STPG2: variants seen among roughly 807,000 people sequenced by gnomAD.
STPG2 encodes sperm-tail PG-rich repeat-containing protein 2.
STPG2 carries 56 observed loss-of-function variants against 54.2 expected under a neutral mutation model. That is an observed-to-expected ratio of 1.03 (90% CI 0.83 to 1.29). The LOEUF (loss-of-function observed/expected upper bound fraction) is 1.29, where lower values mean the gene tolerates loss of function less well. STPG2 is among the 50% of genes most tolerant of loss of function. The pLI is 0.00. For synonymous variants in STPG2, 200 were observed against 181.8 expected, an observed-to-expected ratio of 1.10 and a Z score of -0.81; for missense variants, 596 against 544.9, an observed-to-expected ratio of 1.09 and a Z score of -0.93.
At chr4:97,774,902 C>T (rs1377056175) in intron 9 of STPG2, among the ~76,000 whole-genome samples, 1 of 152,188 alleles carries the variant, frequency 6.6e-6, no homozygotes, top group African/African-American at 2.4e-5. Flanking sequence ...CAAAGTGCAT[C>T]CTCTGCCAGC....
intron 8 of STPG2, among the ~76,000 whole-genome samples, chr4:97,876,605 C>A (rs1730179556): frequency 6.6e-6 from 1 of 151,940 alleles, no homozygotes; most frequent in South Asian, 2.1e-4. Context: ...CTTTGAATAT[C>A]TTTTCCATAC....
chr4:97,854,851 G>A (rs534446139), intron 8 of STPG2, among the ~76,000 whole-genome samples: 2 of 152,004 alleles, frequency 1.3e-5, no homozygotes, highest in African/African-American at 4.8e-5. Flanking sequence ...CATCACCTAC[G>A]TATTAAGCCC....
chr4:98,041,650 T>C (rs907874568), intron 5 of STPG2, among the ~76,000 whole-genome samples: 7 of 152,044 alleles, frequency 4.6e-5, no homozygotes, highest in Admixed American at 2.6e-4. Flanking sequence ...GATATGTATA[T>C]GTTGAACCCT....
rs187481264 is a variant in STPG2, at chr4:97,790,011, A to G, written c.1204+50762T>C. On this transcript the variant is annotated intron_variant, in intron 9 of 10. Transcript: ENST00000295268. Reference sequence around the variant, plus strand: ...CCTAATCCATGAAAGGAGGCCTTACATGAAAAGTTTAAACAACAAAAAAAA... The same window carrying G: ...CCTAATCCATGAAAGGAGGCCTTACGTGAAAAGTTTAAACAACAAAAAAAA... Among the ~76,000 whole-genome samples, 388 of 152,338 alleles carry G rather than the reference A, an allele frequency of 2.5e-3. 2 individuals carry two copies. The highest frequency in any genetic ancestry group is 8.5e-3 in the African/African-American group (354 of 41,582).
intron 8 of STPG2, among the ~76,000 whole-genome samples, chr4:97,884,567 A>T (rs1324295260): frequency 6.6e-6 from 1 of 152,194 alleles, no homozygotes. Flanking sequence ...TCTAGCCTCC[A>T]GAATTGTGAG....
intron 10 of STPG2, among the ~76,000 whole-genome samples, chr4:97,690,759 TAAGA>T (rs1281059666): frequency 6.6e-6 from 1 of 152,026 alleles, no homozygotes; most frequent in Non-Finnish European, 1.5e-5. Context: ...CCTCTAAAGC[TAAGA>T]AAGAAAGCTG....
At chr4:97,761,494 A>G (rs1400016242) in intron 9 of STPG2, among the ~76,000 whole-genome samples, 1 of 152,182 alleles carries the variant, frequency 6.6e-6, no homozygotes. Context: ...AGCTTTGCCA[A>G]TATCTTGGTT....
At chr4:98,010,793 T>G (rs574380374) in intron 5 of STPG2, among the ~76,000 whole-genome samples, 1 of 152,296 alleles carries the variant, frequency 6.6e-6, no homozygotes, top group African/African-American at 2.4e-5. Context: ...TTATATTGTG[T>G]ACATCTGTTT....
At chr4:98,111,441 G>C (rs1046321661) in intron 3 of STPG2, among the ~76,000 whole-genome samples, 2 of 152,102 alleles carry the variant, frequency 1.3e-5, no homozygotes, top group Non-Finnish European at 2.9e-5. Flanking sequence ...CCTGCCCCTA[G>C]TGACTTTCTA....
chr4:97,572,586 C>T (rs553153773), intron 10 of STPG2: 1 of 152,140 alleles, frequency 6.6e-6, no homozygotes, highest in South Asian at 2.1e-4. Flanking sequence ...AATATCATGC[C>T]TTATTTATGC....
intron 5 of STPG2, among the ~76,000 whole-genome samples, chr4:98,067,106 CCCTCT>C (rs2110104213): frequency 6.6e-6 from 1 of 152,220 alleles, no homozygotes; most frequent in African/African-American, 2.4e-5. Flanking sequence ...TCCTTCTCAC[CCCTCT>C]CATTTTTAGA....
intron 5 of STPG2, among the ~76,000 whole-genome samples, chr4:98,033,413 A>C (rs1274154037): frequency 2.6e-5 from 4 of 152,156 alleles, no homozygotes; most frequent in Admixed American, 2.6e-4. Flanking sequence ...GAAGAAGTTG[A>C]ATCCCTAAGT....
At chr4:97,586,475 G>A (rs1187230202) in intron 10 of STPG2, among the ~76,000 whole-genome samples, 1 of 151,930 alleles carries the variant, frequency 6.6e-6, no homozygotes, top group Non-Finnish European at 1.5e-5. Context: ...TCAAAGAGCT[G>A]AGTAAACTCC....
At chr4:98,105,650 G>T (rs1465210363) in intron 5 of STPG2, among the ~76,000 whole-genome samples, 1 of 151,916 alleles carries the variant, frequency 6.6e-6, no homozygotes, top group Non-Finnish European at 1.5e-5. Flanking sequence ...AATAATGTAG[G>T]GATTGTAAAA....
intron 8 of STPG2, among the ~76,000 whole-genome samples, chr4:97,859,580 T>C (rs1729449695): frequency 6.6e-6 from 1 of 151,774 alleles, no homozygotes; most frequent in Admixed American, 6.6e-5. Flanking sequence ...TTCTCCTGCC[T>C]CAGGCTCCCA....
chr4:97,484,325 T>C (rs182596352), intron 4 of STPG2, among the ~76,000 whole-genome samples: 9 of 151,622 alleles, frequency 5.9e-5, no homozygotes, highest in Admixed American at 2.0e-4. Flanking sequence ...ATTAGCAAGA[T>C]TAATGAAGAA....
chr4:97,486,313 A>G (rs1730356797), intron 4 of STPG2, among the ~76,000 whole-genome samples: 1 of 151,950 alleles, frequency 6.6e-6, no homozygotes, highest in Admixed American at 6.6e-5. Flanking sequence ...AATTAACTCA[A>G]ACAAATCAGC....
At chr4:97,710,848 T>C (rs1724090365) in intron 10 of STPG2, among the ~76,000 whole-genome samples, 1 of 151,968 alleles carries the variant, frequency 6.6e-6, no homozygotes, top group Admixed American at 6.6e-5. Context: ...AAAAACAAAA[T>C]TACAGACTCA....
chr4:98,051,649 A>G (rs1018877072), intron 5 of STPG2, among the ~76,000 whole-genome samples: 1 of 151,846 alleles, frequency 6.6e-6, no homozygotes, highest in African/African-American at 2.4e-5. Flanking sequence ...AAATAAACTT[A>G]TTTTCTTTAT....
Sources: gnomAD v4.1 joint callset for allele counts (sites outside exome capture counted in the v4.1 genomes callset) on GRCh38, gnomAD v4.1.1 for gene constraint, MANE v1.5 for transcripts, NCBI Gene and HGNC (gene_info 2026-07-23, HGNC 2026-07-21) for gene names.